The following NUP160 variants were observed in gnomAD, a reference collection of about 807,000 sequenced individuals.
NUP160 encodes the protein nucleoporin 160, also known as nuclear pore complex protein Nup160.
NUP160 carries 94 observed loss-of-function variants against 196.9 expected under a neutral mutation model. That is an observed-to-expected ratio of 0.48 (90% CI 0.40 to 0.57). NUP160 has a LOEUF of 0.57. Ranked by LOEUF, NUP160 falls within the 20% of genes least tolerant of loss-of-function variation. The pLI is 0.00. For missense variants in NUP160, 1,638 were observed against 1,748.3 expected, an observed-to-expected ratio of 0.94 and a Z score of 1.13; for synonymous variants, 605 against 619.7, an observed-to-expected ratio of 0.98 and a Z score of 0.35.
At chr11:47,833,904 T>C (rs182067399) in intron 7 of NUP160, among the ~76,000 whole-genome samples, 244 of 152,342 alleles carry the variant, frequency 1.6e-3, no homozygotes, top group Non-Finnish European at 9.3e-4. Context: ...TCTTAGACGA[T>C]TGTGTCTGGC....
chr11:47,807,176 C>T, intron 18 of NUP160, 36 bp from the exon 19 acceptor site: 1 of 1,302,200 alleles, frequency 7.7e-7, no homozygotes, highest in Non-Finnish European at 1.1e-6. Flanking sequence ...TTAGTAAATT[C>T]TCCTATGCTA....
At chr11:47,831,383 A>G (rs1199487749) in intron 7 of NUP160, among the ~76,000 whole-genome samples, 2 of 152,274 alleles carry the variant, frequency 1.3e-5, no homozygotes, top group Admixed American at 6.5e-5. Context: ...ATATAGCAGC[A>G]GTATTCATAA....
At chr11:47,799,481 A>G (rs953478408) in intron 23 of NUP160, among the ~76,000 whole-genome samples, 5 of 152,182 alleles carry the variant, frequency 3.3e-5, no homozygotes, top group African/African-American at 1.2e-4. Context: ...TCTCTAATAC[A>G]TATGTATGAT....
At chr11:47,779,777 G>C (rs2097659585) in intron 35 of NUP160, among the ~76,000 whole-genome samples, 1 of 152,100 alleles carries the variant, frequency 6.6e-6, no homozygotes, top group Non-Finnish European at 1.5e-5. Flanking sequence ...GTCTAGGATG[G>C]AGTGCGGTGG....
chr11:47,835,509 A>G (rs1416453309), intron 7 of NUP160, 142 bp downstream of exon 7: 4 of 519,056 alleles, frequency 7.7e-6, no homozygotes, highest in Non-Finnish European at 9.6e-6. Context: ...TCTAATTCAC[A>G]TAGTAGCACG....
chr11:47,840,939 A>G (rs1852283542), intron 2 of NUP160, among the ~76,000 whole-genome samples: 1 of 152,166 alleles, frequency 6.6e-6, no homozygotes, highest in Non-Finnish European at 1.5e-5. Flanking sequence ...AGCATCAAAC[A>G]AAACTGACCT....
chr11:47,821,756 G>T (rs1242939269), exon 9 of NUP160: 3 of 1,613,866 alleles, frequency 1.9e-6, no homozygotes, highest in African/African-American at 2.7e-5. Flanking sequence ...CTACTGTTTG[G>T]TTCTCAGCAT....
exon 31 of NUP160, chr11:47,788,271 C>A (rs1246683202): frequency 3.1e-6 from 5 of 1,614,098 alleles, no homozygotes; most frequent in Admixed American, 3.3e-5. Flanking sequence ...CCGCCTGAAC[C>A]AAGAGAGTGA....
At chr11:47,826,659 T>G (rs1308894885) in intron 7 of NUP160, among the ~76,000 whole-genome samples, 1 of 149,740 alleles carries the variant, frequency 6.7e-6, no homozygotes, top group Non-Finnish European at 1.5e-5. Context: ...GCCTCCTGGG[T>G]TCAAGCAATT....
chr11:47,846,754 A>C (rs1852408594), intron 2 of NUP160, among the ~76,000 whole-genome samples: 1 of 152,224 alleles, frequency 6.6e-6, no homozygotes, highest in South Asian at 2.1e-4. Context: ...CTAAAAATAC[A>C]TTTAAAAAAA....
chr11:47,804,413 T>C (rs2097676253), intron 21 of NUP160, 136 bp downstream of exon 21: 2 of 621,002 alleles, frequency 3.2e-6, no homozygotes, highest in African/African-American at 2.0e-5. Flanking sequence ...AACAATCTCT[T>C]TGGGGTATGT....
chr11:47,788,246 C>T (rs764791954), exon 31 of NUP160: 1 of 1,613,878 alleles, frequency 6.2e-7, no homozygotes. Context: ...AGTGATATGG[C>T]AGTGTCAAAG....
chr11:47,800,537 C>T (rs554227010), intron 23 of NUP160, among the ~76,000 whole-genome samples: 21 of 151,962 alleles, frequency 1.4e-4, no homozygotes, highest in Non-Finnish European at 2.5e-4. Flanking sequence ...GGATTACAGG[C>T]GCACACCACC....
intron 20 of NUP160, among the ~76,000 whole-genome samples, chr11:47,805,648 G>A (rs1046315761): frequency 2.0e-5 from 3 of 151,290 alleles, no homozygotes; most frequent in Non-Finnish European, 2.9e-5. Flanking sequence ...GGGTTTCACC[G>A]TGTTGTCCAG....
intron 17 of NUP160, among the ~76,000 whole-genome samples, chr11:47,810,379 T>G (rs2097680394): frequency 6.6e-6 from 1 of 151,856 alleles, no homozygotes; most frequent in Non-Finnish European, 1.5e-5. Flanking sequence ...TGTATTTTTT[T>G]GTAGAGATGA....
chr11:47,822,918 C>T (rs889743422), intron 7 of NUP160, among the ~76,000 whole-genome samples: 14 of 152,306 alleles, frequency 9.2e-5, no homozygotes, highest in African/African-American at 3.4e-4. Flanking sequence ...TTTATGGCTG[C>T]ATAGTATTCC....
rs371012848 is a variant in NUP160, at chr11:47,837,630, T to C, written c.749-7A>G. 2.5e-5 allele frequency: 40 copies of C among 1,612,154 alleles called. No individual in the cohort carries two copies. In the African/African-American group the frequency reaches 4.7e-4, roughly 19 times the overall value. ...TCCACGACTGACACCATACCTGCAA[T>C]GATATCCAAGGCACCTCTTGAACAC... On this transcript the variant is annotated splice_polypyrimidine_tract_variant and splice_region_variant and intron_variant, in intron 4 of 35. Transcript: ENST00000378460.
chr11:47,840,118 G>C, intron 3 of NUP160, 53 bp from the exon 4 acceptor site: 12 of 1,388,252 alleles, frequency 8.6e-6, no homozygotes, highest in Non-Finnish European at 1.0e-6. Flanking sequence ...CCAGAATTTT[G>C]CTCAGTTCCT....
At chr11:47,824,107 T>A (rs1851921933) in intron 7 of NUP160, among the ~76,000 whole-genome samples, 1 of 147,892 alleles carries the variant, frequency 6.8e-6, no homozygotes, top group African/African-American at 2.5e-5. Flanking sequence ...TATGTTTAAT[T>A]TTTTGAGGAA....
Sources: allele counts gnomAD v4.1 joint callset (sites outside exome capture counted in the v4.1 genomes callset), GRCh38; gene constraint gnomAD v4.1.1; transcripts MANE v1.5; gene names NCBI Gene and HGNC (gene_info 2026-07-23, HGNC 2026-07-21).